Variants in PCDHGB2 observed in about 807,000 individuals in gnomAD.
The protein encoded by PCDHGB2 is protocadherin gamma-B2.
In PCDHGB2, 55 loss-of-function variants were observed where a neutral mutation model predicts 59.3. The ratio of observed to expected loss-of-function variants is 0.93; its 90% confidence interval spans 0.75 to 1.16. The LOEUF (loss-of-function observed/expected upper bound fraction) is 1.16, where lower values mean the gene tolerates loss of function less well. Ranked by LOEUF, PCDHGB2 falls within the 50% of genes most tolerant of loss-of-function variation. PCDHGB2 has a pLI of 0.00. For synonymous variants in PCDHGB2, 516 were observed against 512.0 expected, an observed-to-expected ratio of 1.01 and a Z score of -0.11; for missense variants, 1,228 against 1,198.5, an observed-to-expected ratio of 1.02 and a Z score of -0.36.
intron 1 of PCDHGB2, chr5:141,430,977 A>G (rs761722055): frequency 1.2e-5 from 20 of 1,613,408 alleles, no homozygotes; most frequent in Middle Eastern, 1.7e-4. Flanking sequence ...GGTAGGACGC[A>G]GCTTTTCGCC....
In PCDHGB2 at chr5:141,361,015, T is replaced by C. The variant is rs374836690; in HGVS notation, c.880T>C (p.Leu294=). 4.5e-5 allele frequency: 72 copies of C among 1,613,142 alleles called. No homozygotes were observed. The highest frequency in any genetic ancestry group is 6.0e-5 in the Non-Finnish European group (71 of 1,179,502). Reference sequence around the variant, plus strand: ...CGAACAAGTGAAACACTTTTTCAACTTAAATGAAAAAACAGGAGAAATCAC... The same window carrying C: ...CGAACAAGTGAAACACTTTTTCAACCTAAATGAAAAAACAGGAGAAATCAC... The part of the protein sequence containing the change: ...VDEQVKHFFN[L]NEKTGEITTK... Residue 294 remains leucine, a synonymous_variant, in exon 1 of 4, where the codon TTA becomes CTA. Coordinates refer to ENST00000522605, the MANE Select transcript of PCDHGB2 (RefSeq NM_018923.3).
intron 1 of PCDHGB2, among the ~76,000 whole-genome samples, chr5:141,472,242 A>T (rs1342571385): frequency 6.6e-6 from 1 of 152,186 alleles, no homozygotes; most frequent in East Asian, 1.9e-4. Flanking sequence ...TTCACTTTCT[A>T]TTTTAAAGTT....
At chr5:141,372,817 T>C (rs933851148) in intron 1 of PCDHGB2, 2 of 1,572,230 alleles carry the variant, frequency 1.3e-6, no homozygotes, top group Non-Finnish European at 1.7e-6. Context: ...AAGGTGAGTT[T>C]CTTCAAACCT....
At chr5:141,389,778 G>A (rs886099464) in intron 1 of PCDHGB2, 3 of 1,613,134 alleles carry the variant, frequency 1.9e-6, no homozygotes, top group Non-Finnish European at 2.5e-6. Flanking sequence ...TGCCTTAGGC[G>A]ACAGGGACGC....
In PCDHGB2 at chr5:141,432,296, G is replaced by A. The variant is rs895669878; in HGVS notation, c.2422-62511G>A. The A allele has an allele frequency of 2.5e-6, 4 of 1,614,106 alleles. No homozygotes were observed. The highest frequency in any genetic ancestry group is 1.1e-5 in the South Asian group (1 of 91,082). The stretch of plus-strand genomic sequence containing the variant: ...CGTGTCCATCAACTCCGACACTGGG[G>A]TACTGTATGCGCTGAGCTCCTTCGA... On this transcript the variant is annotated intron_variant, in intron 1 of 3. Transcript: ENST00000522605. The surrounding 1 kb of genome is among the most constrained non-coding windows in gnomAD (Gnocchi z 6.0).
intron 1 of PCDHGB2, 91 bp from the exon 2 acceptor site, chr5:141,494,716 C>T (rs1448674271): frequency 3.7e-6 from 6 of 1,604,970 alleles, no homozygotes; most frequent in East Asian, 4.5e-5. Flanking sequence ...TGCCCACTCC[C>T]CTCCTTCTCT....
chr5:141,430,822 G>C lies in PCDHGB2; in HGVS notation c.2422-63985G>C, dbSNP rs752634890. 5.8e-6 allele frequency: 9 copies of C among 1,542,380 alleles called. No homozygotes were observed. The African/African-American group carries it at 1.1e-4, about 19-fold the overall frequency. On this transcript the variant is annotated intron_variant, in intron 1 of 3. Transcript: ENST00000522605. ...TTGTCCTGCTGGGAATCCTCCTGGGGACTCTGTGGGAGACCGGATGCACCC... is the reference window on the plus strand; with the variant it reads ...TTGTCCTGCTGGGAATCCTCCTGGGCACTCTGTGGGAGACCGGATGCACCC...
At chr5:141,422,292 T>C in intron 1 of PCDHGB2, 1 of 1,552,434 alleles carries the variant, frequency 6.4e-7, no homozygotes. Context: ...CTTCTATTAA[T>C]TCAATTCTGG....
chr5:141,425,394 G>C (rs186813737), intron 1 of PCDHGB2, among the ~76,000 whole-genome samples: 2 of 152,184 alleles, frequency 1.3e-5, no homozygotes, highest in Non-Finnish European at 2.9e-5. Context: ...TAGTGATAAA[G>C]TTCTGTTAAG....
chr5:141,405,089 G>T, intron 1 of PCDHGB2: 2 of 1,613,878 alleles, frequency 1.2e-6, no homozygotes, highest in South Asian at 2.2e-5. Context: ...CACGCTGCTG[G>T]CCCTCAGGCT....
At chr5:141,470,851 A>G (rs1410012138) in intron 1 of PCDHGB2, among the ~76,000 whole-genome samples, 2 of 151,876 alleles carry the variant, frequency 1.3e-5, no homozygotes, top group Non-Finnish European at 2.9e-5. Context: ...CCATGCTCAG[A>G]TAAGTTTTTT....
chr5:141,372,379 T>A, intron 1 of PCDHGB2: 1 of 1,614,006 alleles, frequency 6.2e-7, no homozygotes, highest in Non-Finnish European at 8.5e-7. Context: ...ATGCTGCACC[T>A]AATCTTCGCA....
intron 1 of PCDHGB2, chr5:141,409,179 G>T (rs761754962): frequency 1.2e-5 from 20 of 1,613,988 alleles, no homozygotes; most frequent in Non-Finnish European, 1.6e-5. Context: ...GACGGAGGTG[G>T]TCTCTCTACC....
Position 141,431,054 on chromosome 5 carries a change from G to T in PCDHGB2, c.2422-63753G>T. 6.2e-7 allele frequency: 1 copy of T among 1,614,198 alleles called. No individual in the cohort carries two copies. The highest frequency in any genetic ancestry group is 8.5e-7 in the Non-Finnish European group (1 of 1,180,004). ...AGACCGGGAGGAGCTCTGTATGGGG[G>T]CCATCAAGTGTCAATTAAATCTAGA... On this transcript the variant is annotated intron_variant, in intron 1 of 3. Transcript: ENST00000522605. This position sits in a 1 kb window ranked among gnomAD's most constrained non-coding sequence, Gnocchi z 4.8.
chr5:141,383,445 G>T (rs1779137475), intron 1 of PCDHGB2: 1 of 1,613,958 alleles, frequency 6.2e-7, no homozygotes, highest in East Asian at 2.2e-5. Flanking sequence ...CCCTGGCTGT[G>T]CAAAGTGGAG....
chr5:141,360,337 G>A lies in PCDHGB2; in HGVS notation c.202G>A (p.Val68Ile), dbSNP rs752357718. The change falls in exon 1 of 4, where the codon GTT becomes ATT. Residue 68 changes from valine (V) to isoleucine (I), a missense_variant. By Grantham distance (29) the Val-to-Ile change is conservative. Transcript: ENST00000522605. ...GGACTTGCCAGCCCGGAAGCTGCGG[G>A]TTAGCGCGGAGAAGGAATATTTCAC... ...VRDLPARKLR[V>I]SAEKEYFTVN... 1 of 1,613,974 alleles carries A rather than the reference G, an allele frequency of 6.2e-7. No homozygotes were observed. Among genetic ancestry groups the A allele is most frequent in the East Asian group, 2.2e-5 (1 of 44,872 alleles).
chr5:141,419,578 G>C (rs1339676992), intron 1 of PCDHGB2: 1 of 1,611,722 alleles, frequency 6.2e-7, no homozygotes. Flanking sequence ...ACGGCTCCGC[G>C]CTCTTCGACA....
At chr5:141,362,972 A>G (rs1422229452) in intron 1 of PCDHGB2, among the ~76,000 whole-genome samples, 1 of 152,258 alleles carries the variant, frequency 6.6e-6, no homozygotes, top group African/African-American at 2.4e-5. Flanking sequence ...CAAAGAAGAA[A>G]GACTTTTGCA....
intron 1 of PCDHGB2, chr5:141,383,918 TA>T: frequency 6.2e-7 from 1 of 1,613,948 alleles, no homozygotes; most frequent in Non-Finnish European, 8.5e-7. Flanking sequence ...GTTTTAGATG[TA>T]AATGATAATG....
Sources: gnomAD v4.1 joint callset for allele counts (sites outside exome capture counted in the v4.1 genomes callset) on GRCh38, gnomAD v4.1.1 for gene constraint, Gnocchi (gnomAD v3.1) non-coding constraint, MANE v1.5 for transcripts, NCBI Gene and HGNC (gene_info 2026-07-23, HGNC 2026-07-21) for gene names.